Variants in CFAP299 observed in about 807,000 individuals in gnomAD.
The protein encoded by CFAP299 is cilia- and flagella-associated protein 299.
CFAP299 carries 21 observed loss-of-function variants against 27.0 expected under a neutral mutation model. The observed-to-expected ratio is 0.78, with a 90% CI of 0.55 to 1.12. The LOEUF (loss-of-function observed/expected upper bound fraction) is 1.12, where lower values mean the gene tolerates loss of function less well. CFAP299 is among the 50% of genes most tolerant of loss of function. The probability of loss-of-function intolerance (pLI) is 0.00; values close to 1 mark genes in which losing one functional copy is unlikely to be tolerated. For missense variants in CFAP299, 310 were observed against 276.6 expected (o/e 1.12, Z -0.86); for synonymous variants, 104 against 98.1 (o/e 1.06, Z -0.36).
chr4:80,453,841 A>AAATAATAAT (rs10692004), intron 2 of CFAP299, among the ~76,000 whole-genome samples: 2,616 of 135,942 alleles, frequency 0.019, 32 homozygotes, highest in South Asian at 0.024. Context: ...ACCCTGTCTC[A>AAATAATAAT]AATAATAATA....
chr4:80,524,431 A>G (rs748524534), intron 2 of CFAP299, among the ~76,000 whole-genome samples: 1 of 151,710 alleles, frequency 6.6e-6, no homozygotes, highest in Admixed American at 6.6e-5. Flanking sequence ...AGAATCCTTG[A>G]TTTCTCCCTA....
chr4:80,781,400 A>T (rs1726869611), intron 3 of CFAP299, among the ~76,000 whole-genome samples: 1 of 152,074 alleles, frequency 6.6e-6, no homozygotes, highest in African/African-American at 2.4e-5. Context: ...TTAGATGAGG[A>T]GGATAGGTAA....
chr4:80,524,172 T>C (rs1260213970), intron 2 of CFAP299, among the ~76,000 whole-genome samples: 1 of 152,168 alleles, frequency 6.6e-6, no homozygotes, highest in African/African-American at 2.4e-5. Flanking sequence ...GTGTTTTCTT[T>C]GCAGGTTAAA....
intron 2 of CFAP299, among the ~76,000 whole-genome samples, chr4:80,375,696 G>A (rs1022587656): frequency 6.6e-6 from 1 of 152,216 alleles, no homozygotes; most frequent in Non-Finnish European, 1.5e-5. Flanking sequence ...AATGCCCATG[G>A]GCAAAGTCTC....
intron 3 of CFAP299, among the ~76,000 whole-genome samples, chr4:80,637,994 T>A (rs1739536537): frequency 6.6e-6 from 1 of 152,216 alleles, no homozygotes; most frequent in South Asian, 2.1e-4. Context: ...TTATTAACTT[T>A]CTACATGTAA....
intron 3 of CFAP299, among the ~76,000 whole-genome samples, chr4:80,799,826 ATATTTATATATTATATT>A (rs1230381468): frequency 7.7e-5 from 3 of 38,886 alleles, no homozygotes; most frequent in South Asian, 9.2e-4. Flanking sequence ...TATATTATAT[ATATTTATATATTATATT>A]ATATAATATA....
At chr4:80,506,274 A>T (rs1311933761) in intron 2 of CFAP299, among the ~76,000 whole-genome samples, 2 of 152,074 alleles carry the variant, frequency 1.3e-5, no homozygotes, top group Non-Finnish European at 2.9e-5. Context: ...GGACTATTTG[A>T]AACAGATATC....
chr4:80,362,579 A>G (rs141427123), intron 1 of CFAP299, among the ~76,000 whole-genome samples, 175 bp from the exon 2 acceptor site: 18 of 152,220 alleles, frequency 1.2e-4, no homozygotes, highest in African/African-American at 2.9e-4. Context: ...TAAATGTATT[A>G]TTAGAAAAAT....
At chr4:80,705,327 G>A (rs559889572) in intron 3 of CFAP299, among the ~76,000 whole-genome samples, 1 of 151,906 alleles carries the variant, frequency 6.6e-6, no homozygotes, top group African/African-American at 2.4e-5. Flanking sequence ...TTTAGCACAT[G>A]GCTGCCAAGG....
At chr4:80,722,135 G>A (rs933730854) in intron 3 of CFAP299, among the ~76,000 whole-genome samples, 8 of 151,954 alleles carry the variant, frequency 5.3e-5, no homozygotes, top group African/African-American at 1.4e-4. Flanking sequence ...GAAAATAATC[G>A]AGCCAGGCTC....
intron 3 of CFAP299, among the ~76,000 whole-genome samples, chr4:80,867,983 A>G (rs1732843612): frequency 6.6e-6 from 1 of 152,166 alleles, no homozygotes; most frequent in Non-Finnish European, 1.5e-5. Flanking sequence ...AAGGTCATAT[A>G]TACTATTTCT....
At chr4:80,916,295 A>ATATATATT (rs1405206483) in intron 4 of CFAP299, among the ~76,000 whole-genome samples, 34 of 125,562 alleles carry the variant, frequency 2.7e-4, no homozygotes, top group African/African-American at 1.0e-3. Flanking sequence ...ATATATATAT[A>ATATATATT]TTTCAGGTAC....
intron 3 of CFAP299, among the ~76,000 whole-genome samples, chr4:80,765,646 G>T (rs2110080567): frequency 6.6e-6 from 1 of 150,710 alleles, no homozygotes; most frequent in Non-Finnish European, 1.5e-5. Flanking sequence ...TAAGTTTCAG[G>T]GTACATGTGC....
intron 3 of CFAP299, among the ~76,000 whole-genome samples, chr4:80,670,111 T>G (rs1354644171): frequency 6.6e-6 from 1 of 152,190 alleles, no homozygotes; most frequent in African/African-American, 2.4e-5. Flanking sequence ...TTACATTAGG[T>G]ATTTCTCCTA....
intron 2 of CFAP299, among the ~76,000 whole-genome samples, chr4:80,515,244 A>G (rs563074936): frequency 4.6e-5 from 7 of 152,298 alleles, no homozygotes; most frequent in African/African-American, 1.7e-4. Flanking sequence ...AGACATCTAG[A>G]AATATATTTG....
At chr4:80,406,284 T>TA (rs1228937468) in intron 2 of CFAP299, among the ~76,000 whole-genome samples, 2 of 152,212 alleles carry the variant, frequency 1.3e-5, no homozygotes, top group Non-Finnish European at 2.9e-5. Flanking sequence ...CAGGAAGAGA[T>TA]ATGTGGTGTT....
intron 3 of CFAP299, among the ~76,000 whole-genome samples, chr4:80,806,765 G>A (rs546356334): frequency 1.9e-4 from 29 of 152,310 alleles, no homozygotes; most frequent in South Asian, 6.2e-4. Flanking sequence ...TCTTAAAGGC[G>A]TTGAAGTAGA....
intron 3 of CFAP299, among the ~76,000 whole-genome samples, chr4:80,786,268 G>A (rs1414058576): frequency 1.3e-5 from 2 of 152,148 alleles, no homozygotes; most frequent in Admixed American, 6.5e-5. Flanking sequence ...GTCATAGTTT[G>A]GGGTGGAGAG....
At chr4:80,785,621 C>A (rs1003654054) in intron 3 of CFAP299, among the ~76,000 whole-genome samples, 1 of 152,042 alleles carries the variant, frequency 6.6e-6, no homozygotes, top group Non-Finnish European at 1.5e-5. Flanking sequence ...CACTTATTGG[C>A]CTTTTGGCTA....
Sources: allele counts gnomAD v4.1 joint callset (sites outside exome capture counted in the v4.1 genomes callset), GRCh38; gene constraint gnomAD v4.1.1; transcripts MANE v1.5; gene names NCBI Gene and HGNC (gene_info 2026-07-23, HGNC 2026-07-21).